The following OSBPL5 variants were observed in gnomAD, a reference collection of about 807,000 sequenced individuals.
OSBPL5 encodes the protein oxysterol-binding protein-related protein 5.
Under a neutral mutation model 111.2 loss-of-function variants are expected in OSBPL5, and 71 were observed. That is an observed-to-expected ratio of 0.64 (90% CI 0.53 to 0.78). The LOEUF is 0.78. Among genes scored for constraint, OSBPL5 ranks in the 30% least tolerant of loss-of-function variants. The pLI is 0.00. For missense variants in OSBPL5, 1,210 were observed against 1,189.3 expected (o/e 1.02, Z -0.26); for synonymous variants, 549 against 513.9 (o/e 1.07, Z -0.93).
At chr11:3,112,834 C>G (rs770556746) in intron 7 of OSBPL5, among the ~76,000 whole-genome samples, 1 of 152,194 alleles carries the variant, frequency 6.6e-6, no homozygotes, top group South Asian at 2.1e-4. Flanking sequence ...GTACCTTATG[C>G]AAATTTTGCT....
intron 14 of OSBPL5, among the ~76,000 whole-genome samples, chr11:3,096,356 C>G (rs372927570): frequency 6.6e-6 from 1 of 152,142 alleles, no homozygotes. Flanking sequence ...TGGGGGCTCA[C>G]GCCTGTAATC....
chr11:3,093,383 T>C (rs1258891603), intron 17 of OSBPL5, 144 bp downstream of exon 17: 1 of 1,287,166 alleles, frequency 7.8e-7, no homozygotes, highest in Non-Finnish European at 1.1e-6. Context: ...GGACACGTGA[T>C]CTGCCACCAG....
chr11:3,112,778 C>T (rs986875928), intron 7 of OSBPL5, among the ~76,000 whole-genome samples: 3 of 152,144 alleles, frequency 2.0e-5, no homozygotes, highest in Non-Finnish European at 4.4e-5. Flanking sequence ...TTTGATTTGG[C>T]ATCCATCTTT....
intron 21 of OSBPL5, 35 bp from the exon 22 acceptor site, chr11:3,088,378 C>T: frequency 2.7e-6 from 4 of 1,481,118 alleles, no homozygotes; most frequent in Non-Finnish European, 3.6e-6. Flanking sequence ...GGGGGCTGTG[C>T]CAATGCCAGC....
chr11:3,130,390 T>C lies in OSBPL5; in HGVS notation c.-21-1221A>G, dbSNP rs548632740. On this transcript the variant is annotated intron_variant, in intron 1 of 21. Transcript: ENST00000263650. The surrounding 1 kb of genome is among the most constrained non-coding windows in gnomAD (Gnocchi z 4.5). ...GGGACAAAGGCCTCGATTTCTCCCA[T>C]GGTCCTGGGCTTTGCTGGGGGGGGC... 3.3e-5 allele frequency among the ~76,000 whole-genome samples: 5 copies of C among 151,784 alleles called. No homozygotes were observed. The highest frequency in any genetic ancestry group is 1.2e-4 in the African/African-American group (5 of 41,498).
At position 3,161,324 on chromosome 11, in the gene OSBPL5, A is replaced by ATCAGAGATGATGGGAC; in HGVS notation, c.-22+3876_-22+3891dup. The ATCAGAGATGATGGGAC allele has an allele frequency of 6.6e-6, 1 of 152,358 alleles. No individual in the cohort carries two copies. The highest frequency in any genetic ancestry group is 2.1e-4 in the South Asian group (1 of 4,824). The allele number at this position is 152,358 out of a possible 1,614,324, so 9.4% of individuals were successfully genotyped here. A position where few individuals can be genotyped will look rare whatever the true frequency, so the allele number is the denominator to read the frequency against. Reference sequence around the variant, plus strand: ...GACACCCTAAGGGCTCCATTCCTAAATCAGAGATGATGGGACTCTGGGAAG... The same window carrying ATCAGAGATGATGGGAC: ...GACACCCTAAGGGCTCCATTCCTAAATCAGAGATGATGGGACTCAGAGATGATGGGACTCTGGGAAG... On this transcript the variant is annotated intron_variant, in intron 1 of 21. Transcript: ENST00000263650. The surrounding 1 kb of genome is among the most constrained non-coding windows in gnomAD (Gnocchi z 8.0).
rs1438324160 is a variant in OSBPL5, at chr11:3,111,986, TGTGTGTGCATGTGTGTGTGTGTGCGC to T, written c.692-4067_692-4042del. Among the ~76,000 whole-genome samples the T allele has an allele frequency of 1.6e-3, 194 of 121,848 alleles. 2 individuals carry two copies. The Middle Eastern group carries it at 0.017, about 11-fold the overall frequency. The allele number at this position is 121,848 out of a possible 152,430, so 79.9% of individuals were successfully genotyped here. ...GTGTGTGTGCATATGTGTGCGCGCATGTGTGTGCATGTGTGTGTGTGTGCGCGCATGTGTGTGCATGTGTGTGTATG... is the reference window on the plus strand; with the variant it reads ...GTGTGTGTGCATATGTGTGCGCGCATGCATGTGTGTGCATGTGTGTGTATG... On this transcript the variant is annotated intron_variant, in intron 7 of 21. Transcript: ENST00000263650.
chr11:3,105,212 C>G lies in OSBPL5; in HGVS notation c.1060-835G>C, dbSNP rs1857652079. Reference sequence around the variant, plus strand: ...GCAGAGGTCAGATCTGAACTCAGGGCTCTCTGCATTTTTAGCCCAACGGCA... The same window carrying G: ...GCAGAGGTCAGATCTGAACTCAGGGGTCTCTGCATTTTTAGCCCAACGGCA... On this transcript the variant is annotated intron_variant, in intron 9 of 21. Transcript: ENST00000263650. The surrounding 1 kb of genome is among the most constrained non-coding windows in gnomAD (Gnocchi z 5.2). Among the ~76,000 whole-genome samples the G allele has an allele frequency of 6.6e-6, 1 of 152,186 alleles. No individual in the cohort carries two copies. Among genetic ancestry groups the G allele is most frequent in the Non-Finnish European group, 1.5e-5 (1 of 68,024 alleles).
At chr11:3,095,680 G>T (rs930106231) in intron 14 of OSBPL5, among the ~76,000 whole-genome samples, 4 of 148,016 alleles carry the variant, frequency 2.7e-5, no homozygotes, top group African/African-American at 1.0e-4. Context: ...AGACAGCAGG[G>T]GAAAAAAATC....
chr11:3,106,369 C>T lies in OSBPL5; in HGVS notation c.1059+894G>A, dbSNP rs1257249141. ...CTCCCGGGTGAGAATGACAAGATCC[C>T]AGATCACAGAGCCCCCCGTTCCTGA... On this transcript the variant is annotated intron_variant, in intron 9 of 21. Coordinates refer to ENST00000263650, the MANE Select transcript of OSBPL5 (RefSeq NM_020896.4). The surrounding 1 kb of genome is among the most constrained non-coding windows in gnomAD (Gnocchi z 8.4). 6.6e-6 allele frequency among the ~76,000 whole-genome samples: 1 copy of T among 152,120 alleles called. No homozygotes were observed. Among genetic ancestry groups the T allele is most frequent in the Admixed American group, 6.6e-5 (1 of 15,266 alleles).
At chr11:3,135,467 G>A (rs1229245224) in intron 1 of OSBPL5, among the ~76,000 whole-genome samples, 2 of 151,230 alleles carry the variant, frequency 1.3e-5, no homozygotes, top group East Asian at 3.9e-4. Context: ...CACTCCTGAG[G>A]CCCTCCTCTG....
At chr11:3,138,721 C>T (rs1468242616) in intron 1 of OSBPL5, among the ~76,000 whole-genome samples, 1 of 152,226 alleles carries the variant, frequency 6.6e-6, no homozygotes, top group Non-Finnish European at 1.5e-5. Context: ...TGGTGAGGCT[C>T]CTGGGCTTGG....
intron 1 of OSBPL5, among the ~76,000 whole-genome samples, chr11:3,147,745 G>A (rs142039863): frequency 1.1e-4 from 17 of 152,326 alleles, no homozygotes; most frequent in African/African-American, 3.6e-4. Context: ...TGGGTGCGTC[G>A]GGGCAGGGAA....
At chr11:3,128,614 T>A (rs950060361) in intron 2 of OSBPL5, among the ~76,000 whole-genome samples, 1 of 152,172 alleles carries the variant, frequency 6.6e-6, no homozygotes, top group African/African-American at 2.4e-5. Context: ...TATTGTCCCA[T>A]TTTATAGATC....
Position 3,092,948 on chromosome 11 carries a change from C to G in OSBPL5, c.2051G>C (p.Arg684Pro). The G allele has an allele frequency of 1.3e-6, 2 of 1,585,152 alleles. No individual in the cohort carries two copies. The highest frequency in any genetic ancestry group is 2.3e-5 in the East Asian group (1 of 43,936). The change falls in exon 18 of 22, where the codon CGG becomes CCG. Residue 684 changes from arginine (R) to proline (P), a missense_variant. By Grantham distance (103) the Arg-to-Pro change is moderately radical. Transcript: ENST00000263650. This position sits in a 1 kb window ranked among gnomAD's most constrained non-coding sequence, Gnocchi z 5.4. ...EEAQRQRARE[R>P]QESLMPWKPQ... is the part of the protein sequence containing the mutation. Reference sequence around the variant, plus strand: ...CTTCCAGGGCATGAGGCTCTCCTGCCGCTCACGGGCCCGCTGCCGCTGTGC... The same window carrying G: ...CTTCCAGGGCATGAGGCTCTCCTGCGGCTCACGGGCCCGCTGCCGCTGTGC...
At position 3,129,098 on chromosome 11, in the gene OSBPL5, G is replaced by A. The variant is rs1858736749; in HGVS notation, c.51C>T (p.Ser17=). The A allele has an allele frequency of 6.4e-7, 1 of 1,551,088 alleles. No homozygotes were observed. The change falls in exon 2 of 22, where the codon TCC becomes TCT. Residue 17 remains serine (S), a synonymous_variant. Coordinates refer to ENST00000263650, the MANE Select transcript of OSBPL5 (RefSeq NM_020896.4). Reference sequence around the variant, plus strand: ...GGGGGTCGACTTTCTGAGGGGTGGAGGAAGGTGGACACAGGGAGAAGCGGC... The same window carrying A: ...GGGGGTCGACTTTCTGAGGGGTGGAAGAAGGTGGACACAGGGAGAAGCGGC... ...LRRRFSLCPP[S]STPQKVDPRK...
rs1156591693 is a variant in OSBPL5, at chr11:3,112,038, TGTGCGC to T, written c.692-4099_692-4094del. 7.0e-3 allele frequency among the ~76,000 whole-genome samples: 675 copies of T among 96,096 alleles called. 5 individuals carry two copies. The highest frequency in any genetic ancestry group is 0.025 in the Middle Eastern group (5 of 198). 63.0% of individuals were successfully genotyped at this position (96,096 alleles called of 152,430 possible). On this transcript the variant is annotated intron_variant, in intron 7 of 21. Transcript: ENST00000263650. ...GCATGTGTGTGCATGTGTGTGTATGTGTGCGCGCATGTGTGTGCATGTGTATGTGTG... is the reference window on the plus strand; with the variant it reads ...GCATGTGTGTGCATGTGTGTGTATGTGCATGTGTGTGCATGTGTATGTGTG...
intron 1 of OSBPL5, among the ~76,000 whole-genome samples, chr11:3,149,565 G>A (rs1255965693): frequency 6.6e-6 from 1 of 152,228 alleles, no homozygotes; most frequent in East Asian, 1.9e-4. Context: ...CAGTTTATGC[G>A]TCAGGCAGCA....
At chr11:3,097,125 GAA>G (rs1564824907) in intron 14 of OSBPL5, among the ~76,000 whole-genome samples, 16 of 125,516 alleles carry the variant, frequency 1.3e-4, no homozygotes, top group East Asian at 2.3e-4. Context: ...GGAGAGGAAA[GAA>G]GGGGAAGATG....
Sources: gnomAD v4.1 joint callset for allele counts (sites outside exome capture counted in the v4.1 genomes callset) on GRCh38, gnomAD v4.1.1 for gene constraint, Gnocchi (gnomAD v3.1) non-coding constraint, MANE v1.5 for transcripts, NCBI Gene and HGNC (gene_info 2026-07-23, HGNC 2026-07-21) for gene names.